Variants in DNAH6 observed in about 807,000 individuals in gnomAD.
The protein encoded by DNAH6 is axonemal beta dynein heavy chain 6.
A neutral mutation model predicts 491.4 loss-of-function variants in DNAH6; 340 were observed. The ratio of observed to expected loss-of-function variants is 0.69; its 90% confidence interval spans 0.63 to 0.76. The LOEUF is 0.76. DNAH6 is among the 30% of genes least tolerant of loss of function. The pLI, the probability that DNAH6 is intolerant of heterozygous loss-of-function variation, is 0.00. For missense variants in DNAH6, 4,443 were observed against 4,972.2 expected, an observed-to-expected ratio of 0.89 and a Z score of 3.20; for synonymous variants, 1,603 against 1,686.1, an observed-to-expected ratio of 0.95 and a Z score of 1.21.
intron 64 of DNAH6, among the ~76,000 whole-genome samples, chr2:84,764,730 A>C (rs1319535348): frequency 6.6e-6 from 1 of 152,112 alleles, no homozygotes; most frequent in Non-Finnish European, 1.5e-5. Flanking sequence ...ATGGCCTCCC[A>C]CTGCATCCAT....
chr2:84,584,507 T>A (rs1683346467), intron 15 of DNAH6: 1 of 381,930 alleles, frequency 2.6e-6, no homozygotes, highest in Non-Finnish European at 4.8e-6. Context: ...CTGATGTAGC[T>A]TTAGTTTTTT....
At chr2:84,550,426 T>A (rs1439441837) in intron 9 of DNAH6, among the ~76,000 whole-genome samples, 1 of 152,204 alleles carries the variant, frequency 6.6e-6, no homozygotes, top group Non-Finnish European at 1.5e-5. Context: ...ATGCTCACCC[T>A]CTGCTCACCT....
chr2:84,666,271 G>T (rs987820078), intron 37 of DNAH6, among the ~76,000 whole-genome samples: 24 of 152,124 alleles, frequency 1.6e-4, no homozygotes, highest in African/African-American at 5.8e-4. Flanking sequence ...TCAGGAGAAA[G>T]AAATAAAGGG....
At chr2:84,577,204 T>C in intron 12 of DNAH6, 53 bp from the exon 13 acceptor site, 3 of 1,134,670 alleles carry the variant, frequency 2.6e-6, no homozygotes, top group Non-Finnish European at 3.6e-6. Context: ...TGTAATGATC[T>C]TTTAAAATCC....
the DNAH6 span, among the ~76,000 whole-genome samples, chr2:84,503,265 A>G: frequency 6.6e-6 from 1 of 152,178 alleles, no homozygotes; most frequent in African/African-American, 2.4e-5. Flanking sequence ...AGGAAGAGAA[A>G]ACTAATAAAA....
chr2:84,782,333 C>T (rs1265690462), intron 65 of DNAH6, among the ~76,000 whole-genome samples: 1 of 152,226 alleles, frequency 6.6e-6, no homozygotes, highest in Non-Finnish European at 1.5e-5. Context: ...TGCTGTGAAG[C>T]CCTGGGAGAG....
intron 18 of DNAH6, among the ~76,000 whole-genome samples, chr2:84,598,127 T>TTTTCTTTTTCTTTCTTTC (rs1553438007): frequency 9.1e-5 from 10 of 109,314 alleles, no homozygotes; most frequent in Non-Finnish European, 1.9e-4. Context: ...TCTATCTTTC[T>TTTTCTTTTTCTTTCTTTC]TTTCTTTCTT....
Position 84,707,578 on chromosome 2 carries a change from A to C in DNAH6, c.8910A>C (p.Ala2970=). The change falls in exon 54 of 77, where the codon GCA becomes GCC. Residue 2970 remains alanine, a synonymous_variant. Coordinates refer to ENST00000389394, the MANE Select transcript of DNAH6 (RefSeq NM_001370.2). ...RLVRAGKLTA[A]LEDEQVRWEE... ...TACGTGCTGGAAAGCTGACAGCAGC[A>C]TTAGAAGATGAGCAGGTTCGATGGG... is the stretch of plus-strand genomic sequence containing the variant. 1 of 1,552,132 alleles carries C rather than the reference A, an allele frequency of 6.4e-7. No homozygotes were observed. The highest frequency in any genetic ancestry group is 8.7e-7 in the Non-Finnish European group (1 of 1,147,088).
At chr2:84,607,874 T>C (rs1027803661) in intron 21 of DNAH6, among the ~76,000 whole-genome samples, 1 of 152,160 alleles carries the variant, frequency 6.6e-6, no homozygotes, top group African/African-American at 2.4e-5. Context: ...CGACTCTTCC[T>C]TTTATTTAAA....
the DNAH6 span, among the ~76,000 whole-genome samples, chr2:84,466,013 T>C: frequency 6.6e-6 from 1 of 152,226 alleles, no homozygotes; most frequent in African/African-American, 2.4e-5. Context: ...CAATCTCAGA[T>C]AAGACTTTTT....
chr2:84,598,920 C>T (rs1275396905), intron 18 of DNAH6, among the ~76,000 whole-genome samples: 1 of 151,558 alleles, frequency 6.6e-6, no homozygotes. Context: ...GTCCTGGCTA[C>T]CTGGGAGGCT....
chr2:84,715,508 T>C lies in DNAH6; in HGVS notation c.9544-52T>C, dbSNP rs1697439862. 6.7e-6 allele frequency: 10 copies of C among 1,488,604 alleles called. No individual in the cohort carries two copies. The Admixed American group carries it at 2.0e-4, about 29-fold the overall frequency. The allele number at this position is 1,488,604 out of a possible 1,614,324, so 92.2% of individuals were successfully genotyped here. On this transcript the variant is annotated intron_variant, in intron 57 of 76. Coordinates refer to ENST00000389394, the MANE Select transcript of DNAH6 (RefSeq NM_001370.2). Reference sequence around the variant, plus strand: ...AGCTGTGTTCTAATAAAGAAAGGTATTTTATTAGTTTGCACTTAAGCATTT... The same window carrying C: ...AGCTGTGTTCTAATAAAGAAAGGTACTTTATTAGTTTGCACTTAAGCATTT...
At chr2:84,659,208 T>C (rs1477502588) in intron 37 of DNAH6, 39 bp downstream of exon 37, 1 of 1,118,740 alleles carries the variant, frequency 8.9e-7, no homozygotes, top group South Asian at 2.3e-5. Flanking sequence ...ATAATAATTC[T>C]GAATTATTTA....
chr2:84,810,558 G>A (rs1679874926), intron 72 of DNAH6, among the ~76,000 whole-genome samples: 1 of 152,228 alleles, frequency 6.6e-6, no homozygotes, highest in African/African-American at 2.4e-5. Flanking sequence ...TTCCTCACCT[G>A]ACCTCTAGTC....
intron 45 of DNAH6, among the ~76,000 whole-genome samples, chr2:84,690,356 A>C (rs1180969806): frequency 6.6e-6 from 1 of 152,170 alleles, no homozygotes; most frequent in Non-Finnish European, 1.5e-5. Context: ...GTTGTTTGTC[A>C]TTGGCTTGTC....
rs533159875 is a variant in DNAH6, at chr2:84,701,235, T to C, written c.7957T>C (p.Tyr2653His). The change falls in exon 49 of 77, where the codon TAC becomes CAC. Residue 2653 changes from tyrosine to histidine, a missense_variant. By Grantham distance (83) the Tyr-to-His change is moderately conservative. Coordinates refer to ENST00000389394, the MANE Select transcript of DNAH6 (RefSeq NM_001370.2). The stretch of plus-strand genomic sequence containing the variant: ...TGTCTCCAGCATGGCAGAGCGCTAT[T>C]ACAATGAGCTGCGCAGGCGGTACTA... The part of the protein sequence containing the change: ...LSVSSMAERY[Y>H]NELRRRYYTT... The C allele has an allele frequency of 5.3e-4, 819 of 1,551,794 alleles. 11 individuals carry two copies. The South Asian group carries it at 9.3e-3, about 18-fold the overall frequency.
chr2:84,590,447 A>G (rs1283705342), intron 16 of DNAH6, among the ~76,000 whole-genome samples: 1 of 143,374 alleles, frequency 7.0e-6, no homozygotes, highest in Admixed American at 7.5e-5. Context: ...GTGAGCCGAG[A>G]TCGTGCCACC....
intron 20 of DNAH6, among the ~76,000 whole-genome samples, chr2:84,606,581 T>C (rs1385077930): frequency 2.0e-5 from 3 of 152,100 alleles, no homozygotes; most frequent in Admixed American, 6.5e-5. Flanking sequence ...TGATAATTCA[T>C]TGGACAGAAG....
At chr2:84,779,851 A>G (rs1676510478) in intron 64 of DNAH6, among the ~76,000 whole-genome samples, 1 of 152,188 alleles carries the variant, frequency 6.6e-6, no homozygotes, top group African/African-American at 2.4e-5. Flanking sequence ...TGCCTTAGCA[A>G]TTGCTTATCT....
Sources: gnomAD v4.1 joint callset for allele counts (sites outside exome capture counted in the v4.1 genomes callset) on GRCh38, gnomAD v4.1.1 for gene constraint, MANE v1.5 for transcripts, NCBI Gene and HGNC (gene_info 2026-07-23, HGNC 2026-07-21) for gene names.